Variants in MDGA2 observed in about 807,000 individuals in gnomAD.
MDGA2 encodes MAM domain-containing glycosylphosphatidylinositol anchor protein 2.
MDGA2 carries 40 observed loss-of-function variants against 117.8 expected under a neutral mutation model. That is an observed-to-expected ratio of 0.34 (90% CI 0.26 to 0.44). MDGA2 has a LOEUF of 0.44. MDGA2 is among the 20% of genes least tolerant of loss of function. The probability of loss-of-function intolerance (pLI) is 1.00; values close to 1 mark genes in which losing one functional copy is unlikely to be tolerated. For synonymous variants in MDGA2, 452 were observed against 439.0 expected (o/e 1.03, Z -0.37); for missense variants, 1,123 against 1,250.6 (o/e 0.90, Z 1.54).
rs561162103 is a variant in MDGA2 at position 47,058,837 on chromosome 14, C to T, written c.1525+2412G>A. The stretch of plus-strand genomic sequence containing the variant: ...TCTATCACAATAAAATCTCCTAGGC[C>T]ATCTAGCCTCAAGAGCCTGCCATCC... On this transcript the variant is annotated intron_variant, in intron 7 of 16. Coordinates refer to ENST00000399232, the MANE Select transcript of MDGA2 (RefSeq NM_001113498.3). The T allele has an allele frequency of 1.6e-5, 16 of 985,712 alleles. No individual in the cohort carries two copies. The South Asian group carries it at 7.0e-4, about 43-fold the overall frequency. The allele number at this position is 985,712 out of a possible 1,614,324, so 61.1% of individuals were successfully genotyped here.
chr14:47,508,098 T>C (rs921469500), intron 1 of MDGA2, among the ~76,000 whole-genome samples: 1 of 152,218 alleles, frequency 6.6e-6, no homozygotes, highest in Non-Finnish European at 1.5e-5. Flanking sequence ...ATTTCCATTC[T>C]CTATGGAAGA....
Position 47,058,548 on chromosome 14 carries a change from T to C in MDGA2, c.1525+2701A>G. ...TCCTTGTATGCTATAGCTTATTCAT[T>C]TTCACTGTTCAAACTATATCCTAGA... On this transcript the variant is annotated intron_variant, in intron 7 of 16. Transcript: ENST00000399232. 3 of 984,834 alleles carry C rather than the reference T, an allele frequency of 3.0e-6. No individual in the cohort carries two copies. The African/African-American group carries it at 5.2e-5, about 17-fold the overall frequency. The allele number at this position is 984,834 out of a possible 1,614,324, so 61.0% of individuals were successfully genotyped here. A position where few individuals can be genotyped will look rare whatever the true frequency, so the allele number is the denominator to read the frequency against.
intron 1 of MDGA2, among the ~76,000 whole-genome samples, chr14:47,480,064 G>A (rs1204992435): frequency 7.7e-6 from 1 of 130,020 alleles, no homozygotes; most frequent in African/African-American, 2.8e-5. Flanking sequence ...CATAAATAAT[G>A]TGGTTCCTTT....
chr14:47,402,333 C>CA (rs771113762), intron 1 of MDGA2, among the ~76,000 whole-genome samples: 1 of 6,894 alleles, frequency 1.5e-4, no homozygotes. Context: ...CCCAGAAACC[C>CA]CCGCCCCCCC....
intron 16 of MDGA2, among the ~76,000 whole-genome samples, chr14:46,844,887 T>C: frequency 6.6e-6 from 1 of 152,032 alleles, no homozygotes; most frequent in South Asian, 2.1e-4. Context: ...ATTATTATTA[T>C]TATTATGTTT....
chr14:47,041,654 G>C (rs1889075212), intron 7 of MDGA2, among the ~76,000 whole-genome samples: 1 of 151,996 alleles, frequency 6.6e-6, no homozygotes, highest in Admixed American at 6.6e-5. Flanking sequence ...ATAGACAAAT[G>C]ATTTGAACAC....
intron 1 of MDGA2, among the ~76,000 whole-genome samples, chr14:47,380,861 T>A (rs183951876): frequency 0.26 from 39,392 of 151,916 alleles, 5,302 homozygotes; most frequent in South Asian, 0.45. Flanking sequence ...ACTCATTTTA[T>A]GAGGCCAGCA....
intron 5 of MDGA2, among the ~76,000 whole-genome samples, chr14:47,101,108 G>T (rs1210869234): frequency 7.4e-6 from 1 of 134,400 alleles, no homozygotes; most frequent in East Asian, 2.2e-4. Context: ...TAGATAGATA[G>T]ATAGATAGAT....
chr14:47,586,335 T>C (rs536389134), intron 1 of MDGA2, among the ~76,000 whole-genome samples: 1 of 152,048 alleles, frequency 6.6e-6, no homozygotes, highest in Admixed American at 6.6e-5. Flanking sequence ...GATTGTTCTG[T>C]AATGTCTTCA....
At chr14:47,316,961 T>A (rs1482805706) in intron 1 of MDGA2, among the ~76,000 whole-genome samples, 1 of 152,086 alleles carries the variant, frequency 6.6e-6, no homozygotes, top group African/African-American at 2.4e-5. Flanking sequence ...ATATCAAACT[T>A]CCCTTAATTT....
chr14:47,014,271 T>G (rs1452122011), intron 8 of MDGA2, among the ~76,000 whole-genome samples: 1 of 152,150 alleles, frequency 6.6e-6, no homozygotes, highest in Non-Finnish European at 1.5e-5. Flanking sequence ...GCAGAGTAGA[T>G]TTAGCATGAT....
At chr14:47,647,639 T>C (rs1897560870) in intron 1 of MDGA2, among the ~76,000 whole-genome samples, 1 of 152,160 alleles carries the variant, frequency 6.6e-6, no homozygotes, top group African/African-American at 2.4e-5. Context: ...ACTTATTCTG[T>C]GCAGTACAGT....
At chr14:47,260,751 G>A (rs1329357313) in intron 2 of MDGA2, among the ~76,000 whole-genome samples, 1 of 152,036 alleles carries the variant, frequency 6.6e-6, no homozygotes, top group Non-Finnish European at 1.5e-5. Flanking sequence ...TAAGCTGGGA[G>A]CTGATACTGG....
At chr14:47,544,986 T>C (rs1337039991) in intron 1 of MDGA2, among the ~76,000 whole-genome samples, 1 of 152,230 alleles carries the variant, frequency 6.6e-6, no homozygotes, top group African/African-American at 2.4e-5. Context: ...ATAAAATTAT[T>C]ATCTAAATTC....
At chr14:47,551,435 C>T (rs1053375185) in intron 1 of MDGA2, among the ~76,000 whole-genome samples, 1 of 152,160 alleles carries the variant, frequency 6.6e-6, no homozygotes, top group Non-Finnish European at 1.5e-5. Context: ...TCATGATGTT[C>T]TCACTTCTTC....
intron 1 of MDGA2, among the ~76,000 whole-genome samples, chr14:47,340,996 C>G (rs532246533): frequency 6.6e-6 from 1 of 152,128 alleles, no homozygotes; most frequent in East Asian, 1.9e-4. Flanking sequence ...GATGATTGGT[C>G]CCACCCTCTA....
chr14:46,938,502 T>C lies in MDGA2; in HGVS notation c.2090-18342A>G, dbSNP rs183627056. Among the ~76,000 whole-genome samples, 822 of 104,046 alleles carry C rather than the reference T, an allele frequency of 7.9e-3. 16 individuals carry two copies. The highest frequency in any genetic ancestry group is 0.026 in the African/African-American group (791 of 30,902). The allele number at this position is 104,046 out of a possible 152,430, so 68.3% of individuals were successfully genotyped here. A position where few individuals can be genotyped will look rare whatever the true frequency, so the allele number is the denominator to read the frequency against. ...TTGCAGTGAGCCAAGATCATGCCATTGTACTCCAGCTTGGGCAACAAGAAC... is the reference window on the plus strand; with the variant it reads ...TTGCAGTGAGCCAAGATCATGCCATCGTACTCCAGCTTGGGCAACAAGAAC... On this transcript the variant is annotated intron_variant, in intron 9 of 16. Coordinates refer to ENST00000399232, the MANE Select transcript of MDGA2 (RefSeq NM_001113498.3).
chr14:47,144,928 C>T lies in MDGA2; in HGVS notation c.596-654G>A, dbSNP rs966042908. Among the ~76,000 whole-genome samples the T allele has an allele frequency of 2.7e-5, 4 of 150,064 alleles. No homozygotes were observed. The East Asian group carries it at 7.9e-4, about 29-fold the overall frequency. ...GTCTCCCAAAGTGTTAGATTACAGG[C>T]GTGAACTACTATACTAGACCTCTTT... On this transcript the variant is annotated intron_variant, in intron 3 of 16. Coordinates refer to ENST00000399232, the MANE Select transcript of MDGA2 (RefSeq NM_001113498.3).
At chr14:47,114,986 G>C (rs372725613) in intron 5 of MDGA2, among the ~76,000 whole-genome samples, 119 of 147,546 alleles carry the variant, frequency 8.1e-4, no homozygotes, top group African/African-American at 2.7e-3. Context: ...TATCATCCGA[G>C]CCAACCTACA....
Sources: gnomAD v4.1 joint callset for allele counts (sites outside exome capture counted in the v4.1 genomes callset) on GRCh38, gnomAD v4.1.1 for gene constraint, MANE v1.5 for transcripts, NCBI Gene and HGNC (gene_info 2026-07-23, HGNC 2026-07-21) for gene names.